The following APP variants were observed in gnomAD, a reference collection of about 807,000 sequenced individuals.
APP encodes the protein amyloid-beta precursor protein.
In APP, 31 loss-of-function variants were observed where a neutral mutation model predicts 101.4. The observed-to-expected ratio is 0.31, with a 90% CI of 0.23 to 0.41. The LOEUF (loss-of-function observed/expected upper bound fraction) is 0.41, where lower values mean the gene tolerates loss of function less well. Among genes scored for constraint, APP ranks in the 10% least tolerant of loss-of-function variants. APP has a pLI of 1.00. For synonymous variants in APP, 366 were observed against 364.4 expected, an observed-to-expected ratio of 1.00 and a Z score of -0.05; for missense variants, 839 against 1,003.7, an observed-to-expected ratio of 0.84 and a Z score of 2.22.
chr21:26,149,344 A>T (rs2146335908), intron 1 of APP, among the ~76,000 whole-genome samples: 1 of 152,374 alleles, frequency 6.6e-6, no homozygotes, highest in East Asian at 1.9e-4. Flanking sequence ...CAGGCTGCTG[A>T]AAAGAAAAAA....
intron 8 of APP, among the ~76,000 whole-genome samples, chr21:25,984,568 CATT>C (rs1399603715): frequency 2.0e-5 from 3 of 152,108 alleles, no homozygotes; most frequent in African/African-American, 7.2e-5. Flanking sequence ...TTAACTTAAT[CATT>C]AAGTTAAAAT....
At chr21:26,128,837 A>C (rs1337372307) in intron 1 of APP, among the ~76,000 whole-genome samples, 1 of 152,222 alleles carries the variant, frequency 6.6e-6, no homozygotes, top group African/African-American at 2.4e-5. Context: ...CTTGGAACTG[A>C]ATTTGAAAAA....
chr21:25,900,239 G>T (rs1181845153), intron 15 of APP, among the ~76,000 whole-genome samples: 2 of 151,934 alleles, frequency 1.3e-5, no homozygotes, highest in Non-Finnish European at 2.9e-5. Context: ...CTGTTATTAA[G>T]ATCTGGCAAC....
At chr21:25,995,644 T>C (rs953831106) in intron 8 of APP, among the ~76,000 whole-genome samples, 8 of 152,242 alleles carry the variant, frequency 5.3e-5, no homozygotes, top group Non-Finnish European at 1.2e-4. Flanking sequence ...TGCGTACCTA[T>C]GTCAACACTA....
chr21:26,131,105 C>T (rs380662), intron 1 of APP, among the ~76,000 whole-genome samples: 152,164 of 152,164 alleles, frequency 1, 76,082 homozygotes, highest in Non-Finnish European at 1. Context: ...GGCACTCACC[C>T]GTAATCCCAG....
chr21:26,002,569 C>T (rs2043346648), intron 6 of APP, among the ~76,000 whole-genome samples: 1 of 152,254 alleles, frequency 6.6e-6, no homozygotes, highest in Non-Finnish European at 1.5e-5. Flanking sequence ...ATCTCTTACT[C>T]AGGCAGTGTT....
intron 9 of APP, among the ~76,000 whole-genome samples, chr21:25,978,901 T>C (rs909602905): frequency 1.3e-5 from 2 of 152,116 alleles, no homozygotes; most frequent in Non-Finnish European, 2.9e-5. Flanking sequence ...GCAGTGAGTC[T>C]AGATTGTGCC....
intron 1 of APP, among the ~76,000 whole-genome samples, chr21:26,130,306 A>G (rs2062766288): frequency 6.6e-6 from 1 of 152,208 alleles, no homozygotes; most frequent in African/African-American, 2.4e-5. Context: ...AAGTTTTAAG[A>G]TATCTGTGAA....
chr21:25,899,849 T>A (rs2038324634), intron 15 of APP, among the ~76,000 whole-genome samples: 1 of 152,198 alleles, frequency 6.6e-6, no homozygotes, highest in Admixed American at 6.5e-5. Flanking sequence ...TTGATCTATC[T>A]CGGGCTTTAA....
intron 1 of APP, among the ~76,000 whole-genome samples, chr21:26,145,025 T>G (rs897180082): frequency 2.0e-5 from 3 of 152,242 alleles, no homozygotes; most frequent in Admixed American, 6.5e-5. Flanking sequence ...GTAATGTTCC[T>G]CTGAAGAACA....
chr21:26,134,718 G>A (rs181929552), intron 1 of APP, among the ~76,000 whole-genome samples: 10 of 152,266 alleles, frequency 6.6e-5, no homozygotes, highest in African/African-American at 2.4e-4. Flanking sequence ...GGAGGTTGGG[G>A]AGGGTGACTG....
At chr21:26,116,400 CAT>C (rs1241330419) in intron 1 of APP, among the ~76,000 whole-genome samples, 2 of 152,134 alleles carry the variant, frequency 1.3e-5, no homozygotes, top group Non-Finnish European at 2.9e-5. Flanking sequence ...CGAATATAAA[CAT>C]ATATACCTAA....
At chr21:26,007,427 GTAT>G (rs1441080046) in intron 6 of APP, among the ~76,000 whole-genome samples, 16 of 145,860 alleles carry the variant, frequency 1.1e-4, no homozygotes, top group Non-Finnish European at 1.5e-4. Context: ...TATAATTTAT[GTAT>G]TATATTTATA....
At chr21:25,984,370 C>T (rs2042559174) in intron 8 of APP, among the ~76,000 whole-genome samples, 1 of 152,036 alleles carries the variant, frequency 6.6e-6, no homozygotes, top group African/African-American at 2.4e-5. Context: ...GTGCAACCTA[C>T]AGGAAAAGCA....
chr21:26,077,658 G>A (rs778177512), intron 3 of APP, among the ~76,000 whole-genome samples: 7 of 151,552 alleles, frequency 4.6e-5, no homozygotes, highest in Non-Finnish European at 1.0e-4. Context: ...GACCAGCCTC[G>A]TTCGTCTCCT....
At chr21:25,939,458 C>A (rs961421991) in intron 13 of APP, among the ~76,000 whole-genome samples, 1 of 152,196 alleles carries the variant, frequency 6.6e-6, no homozygotes, top group African/African-American at 2.4e-5. Context: ...ATCTACTTCA[C>A]ACTTGAAGTT....
chr21:26,061,020 G>A (rs571342698), intron 3 of APP, among the ~76,000 whole-genome samples: 1 of 152,184 alleles, frequency 6.6e-6, no homozygotes, highest in African/African-American at 2.4e-5. Context: ...CTTGCCCTAG[G>A]GGGTCAAGAC....
chr21:26,015,632 T>C (rs532209294), intron 6 of APP, among the ~76,000 whole-genome samples: 1 of 152,190 alleles, frequency 6.6e-6, no homozygotes, highest in African/African-American at 2.4e-5. Flanking sequence ...ACAGGTTACT[T>C]AACTGGCCCA....
intron 5 of APP, among the ~76,000 whole-genome samples, chr21:26,041,965 C>T (rs2045391256): frequency 6.6e-6 from 1 of 151,986 alleles, no homozygotes; most frequent in African/African-American, 2.4e-5. Flanking sequence ...CAGAAAGCCT[C>T]ACACAGTCCT....
Sources: gnomAD v4.1 joint callset for allele counts (sites outside exome capture counted in the v4.1 genomes callset) on GRCh38, gnomAD v4.1.1 for gene constraint, MANE v1.5 for transcripts, NCBI Gene and HGNC (gene_info 2026-07-23, HGNC 2026-07-21) for gene names.